ATP8A2: variants seen among roughly 807,000 people sequenced by gnomAD.
ATP8A2 encodes the protein ATPase phospholipid transporting 8A2, also known as phospholipid-transporting ATPase IB.
Under a neutral mutation model 165.6 loss-of-function variants are expected in ATP8A2, and 100 were observed. That is an observed-to-expected ratio of 0.60 (90% CI 0.51 to 0.71). The LOEUF (loss-of-function observed/expected upper bound fraction) is 0.71. Ranked by LOEUF, ATP8A2 falls within the 30% of genes least tolerant of loss-of-function variation. The pLI is 0.00. For synonymous variants in ATP8A2, 543 were observed against 548.8 expected (o/e 0.99, Z 0.15); for missense variants, 1,227 against 1,479.5 (o/e 0.83, Z 2.80).
chr13:25,705,916 A>G (rs2043046826), intron 25 of ATP8A2, among the ~76,000 whole-genome samples: 2 of 152,368 alleles, frequency 1.3e-5, no homozygotes, highest in South Asian at 4.1e-4. Flanking sequence ...GTTATATGAA[A>G]ACACAGCAAT....
intron 25 of ATP8A2, among the ~76,000 whole-genome samples, chr13:25,712,037 G>A (rs1159841880): frequency 1.3e-5 from 2 of 152,116 alleles, no homozygotes; most frequent in Admixed American, 6.5e-5. Context: ...GAAAAAAAAT[G>A]CCTCCTTATT....
In ATP8A2 at chr13:25,555,002, G is replaced by T. The variant is rs760492738; in HGVS notation, c.1197G>T (p.Met399Ile). The change falls in exon 13 of 37, where the codon ATG (methionine) becomes ATT (isoleucine). Residue 399 changes from methionine (M) to isoleucine (I), a missense_variant. Met to Ile is a conservative substitution (Grantham distance 10). Around this residue, in one of 5 missense-constraint regions of ATP8A2, gnomAD observed 592 missense variants for 785.6 expected, o/e 0.75. Transcript: ENST00000381655. ...TCTCTCTCTCTCAGGACACAGATAT[G>T]TATTATATAGGAAATGACACTCCTG... ...QALFINWDTDMYYIGNDTPAM... is the reference protein window; with the variant it reads ...QALFINWDTDIYYIGNDTPAM... The T allele has an allele frequency of 3.1e-6, 5 of 1,604,912 alleles. No homozygotes were observed. In the East Asian group the frequency reaches 1.1e-4, roughly 36 times the overall value.
intron 19 of ATP8A2, 23 bp from the exon 20 acceptor site, chr13:25,577,046 C>CA (rs770059618): frequency 2.4e-6 from 3 of 1,225,564 alleles, no homozygotes; most frequent in Non-Finnish European, 3.4e-6. Context: ...CCAATGATGA[C>CA]TTTTTTTTTT....
intron 33 of ATP8A2, among the ~76,000 whole-genome samples, chr13:25,884,513 A>C (rs1053828598): frequency 1.3e-5 from 2 of 152,140 alleles, no homozygotes; most frequent in Admixed American, 6.5e-5. Flanking sequence ...AGAAGGAGGC[A>C]AGAGATCACT....
At chr13:25,491,364 A>AT (rs2036523296) in intron 2 of ATP8A2, among the ~76,000 whole-genome samples, 1 of 152,086 alleles carries the variant, frequency 6.6e-6, no homozygotes, top group South Asian at 2.1e-4. Context: ...ATGGTGCTAC[A>AT]TATTCTGGAG....
intron 12 of ATP8A2, among the ~76,000 whole-genome samples, chr13:25,554,243 G>A (rs770005147): frequency 6.6e-6 from 1 of 152,140 alleles, no homozygotes; most frequent in South Asian, 2.1e-4. Context: ...CCTCTTGGGT[G>A]TGTTTACTAT....
chr13:25,583,728 G>A (rs2039841091), intron 23 of ATP8A2, among the ~76,000 whole-genome samples: 1 of 152,168 alleles, frequency 6.6e-6, no homozygotes, highest in Admixed American at 6.5e-5. Context: ...ACTCAAAAAC[G>A]AAAGTTTTAC....
At chr13:25,499,661 A>G (rs1566188331) in intron 2 of ATP8A2, among the ~76,000 whole-genome samples, 2 of 152,220 alleles carry the variant, frequency 1.3e-5, no homozygotes, top group Non-Finnish European at 2.9e-5. Flanking sequence ...TGTGGCTATT[A>G]TCTCAAACTC....
In ATP8A2 at chr13:25,434,515, A is replaced by C. The variant is rs1593302004; in HGVS notation, c.77-34462A>C. On this transcript the variant is annotated intron_variant, in intron 1 of 36. Coordinates refer to ENST00000381655, the MANE Select transcript of ATP8A2 (RefSeq NM_016529.6). ...AGGCGTGTGTCACTACACCTGGCTA[A>C]TTTTTGTATTTTTAGTAGAGGTAGG... Among the ~76,000 whole-genome samples the C allele has an allele frequency of 3.3e-5, 5 of 151,456 alleles. No homozygotes were observed. In the East Asian group the frequency reaches 9.7e-4, roughly 30 times the overall value.
intron 2 of ATP8A2, among the ~76,000 whole-genome samples, chr13:25,503,243 C>T (rs555364828): frequency 3.3e-5 from 5 of 152,080 alleles, no homozygotes; most frequent in African/African-American, 7.2e-5. Flanking sequence ...GCATCGAGAC[C>T]GAGTCCAAGG....
chr13:25,917,504 A>G (rs1954302816), intron 33 of ATP8A2, among the ~76,000 whole-genome samples: 2 of 152,240 alleles, frequency 1.3e-5, no homozygotes, highest in South Asian at 4.1e-4. Context: ...GAAATTGAGA[A>G]AGACAGAGAA....
At chr13:25,639,717 A>G (rs961617110) in intron 24 of ATP8A2, among the ~76,000 whole-genome samples, 1 of 151,730 alleles carries the variant, frequency 6.6e-6, no homozygotes, top group Non-Finnish European at 1.5e-5. Context: ...TAACAAGGAT[A>G]TCCGGGAATT....
chr13:25,405,070 C>A (rs1456112191), intron 1 of ATP8A2, among the ~76,000 whole-genome samples: 1 of 152,074 alleles, frequency 6.6e-6, no homozygotes, highest in Non-Finnish European at 1.5e-5. Context: ...CTCAGCAGGG[C>A]CAAACGCTGC....
At chr13:25,415,979 C>A (rs1022831134) in intron 1 of ATP8A2, among the ~76,000 whole-genome samples, 3 of 152,170 alleles carry the variant, frequency 2.0e-5, no homozygotes, top group Non-Finnish European at 4.4e-5. Context: ...CAGGTGTTCA[C>A]CACCACTCTG....
At chr13:25,654,875 G>A (rs1213931215) in intron 24 of ATP8A2, among the ~76,000 whole-genome samples, 1 of 152,068 alleles carries the variant, frequency 6.6e-6, no homozygotes, top group Non-Finnish European at 1.5e-5. Flanking sequence ...CCACTTATAG[G>A]TGCTCTCTTT....
At position 25,985,382 on chromosome 13, in the gene ATP8A2, A is replaced by T. The variant is rs76315135; in HGVS notation, c.3377+16703A>T. 6.5e-3 allele frequency among the ~76,000 whole-genome samples: 984 copies of T among 152,294 alleles called. 5 individuals are homozygous for T. The highest frequency in any genetic ancestry group is 0.027 in the Middle Eastern group (8 of 294). ...TTCTCTCTGCTGTCACCCCACGCAT[A>T]TACTCATGGTTCCTTAAAGTCTTTC... On this transcript the variant is annotated intron_variant, in intron 35 of 36. Coordinates refer to ENST00000381655, the MANE Select transcript of ATP8A2 (RefSeq NM_016529.6).
At chr13:25,386,934 T>C (rs571119931) in intron 1 of ATP8A2, among the ~76,000 whole-genome samples, 2 of 147,474 alleles carry the variant, frequency 1.4e-5, no homozygotes, top group East Asian at 2.1e-4. Flanking sequence ...GAGGCGGAGC[T>C]TGCAGTGAGC....
At chr13:25,982,138 CT>C (rs941831632) in intron 35 of ATP8A2, among the ~76,000 whole-genome samples, 1 of 152,182 alleles carries the variant, frequency 6.6e-6, no homozygotes, top group Non-Finnish European at 1.5e-5. Flanking sequence ...TTGCCCAGAC[CT>C]TTTGCCCTTC....
chr13:25,917,109 C>T (rs992526847), intron 33 of ATP8A2, among the ~76,000 whole-genome samples: 7 of 152,210 alleles, frequency 4.6e-5, no homozygotes, highest in South Asian at 2.1e-4. Context: ...TCTAGCCGCC[C>T]ATGCCTGGTA....
Sources: gnomAD v4.1 joint callset for allele counts (sites outside exome capture counted in the v4.1 genomes callset) on GRCh38, gnomAD v4.1.1 for gene constraint, gnomAD v4.1.1 regional missense constraint, MANE v1.5 for transcripts, NCBI Gene and HGNC (gene_info 2026-07-23, HGNC 2026-07-21) for gene names.